Variants in JPH3 observed in about 807,000 individuals in gnomAD.
The protein encoded by JPH3 is junctophilin 3.
JPH3 carries 11 observed loss-of-function variants against 59.6 expected under a neutral mutation model. That is an observed-to-expected ratio of 0.18 (90% confidence interval 0.12 to 0.31). The LOEUF (loss-of-function observed/expected upper bound fraction) is 0.31, where lower values mean the gene tolerates loss of function less well. Ranked by LOEUF, JPH3 falls within the 10% of genes least tolerant of loss-of-function variation. The pLI, the probability that JPH3 is intolerant of heterozygous loss-of-function variation, is 1.00. For synonymous variants in JPH3, 673 were observed against 483.6 expected (o/e 1.39, Z -5.14); for missense variants, 1,202 against 1,105.7 (o/e 1.09, Z -1.24).
intron 4 of JPH3, chr16:87,695,730 C>G (rs1159824445): frequency 1.3e-5 from 6 of 455,930 alleles, no homozygotes; most frequent in Non-Finnish European, 2.2e-5. Flanking sequence ...CTCCCTCTCC[C>G]CCTGCCTGGT....
chr16:87,670,593 C>T (rs866152129), intron 2 of JPH3, among the ~76,000 whole-genome samples: 4 of 152,264 alleles, frequency 2.6e-5, no homozygotes, highest in Non-Finnish European at 5.9e-5. Flanking sequence ...TTCCTCCAGG[C>T]ACTCTTCAGG....
At chr16:87,630,514 C>T (rs551617367) in intron 1 of JPH3, among the ~76,000 whole-genome samples, 133 of 152,306 alleles carry the variant, frequency 8.7e-4, no homozygotes, top group Middle Eastern at 3.4e-3. Context: ...ACGTTGACAA[C>T]GTACGAGTCC....
At chr16:87,655,457 G>A (rs190322405) in intron 2 of JPH3, among the ~76,000 whole-genome samples, 73 of 152,210 alleles carry the variant, frequency 4.8e-4, no homozygotes, top group African/African-American at 1.6e-3. Flanking sequence ...GAGCTCAAAC[G>A]ATCCTCCCAC....
intron 1 of JPH3, among the ~76,000 whole-genome samples, chr16:87,635,331 A>T (rs55719521): frequency 0.25 from 38,230 of 152,130 alleles, 5,380 homozygotes; most frequent in Non-Finnish European, 0.33. Context: ...CCGAAACTAA[A>T]GTTTTGGGAA....
chr16:87,688,394 C>A lies in JPH3; in HGVS notation c.1286-1252C>A, dbSNP rs2033469397. Among the ~76,000 whole-genome samples the A allele has an allele frequency of 2.6e-5, 4 of 152,200 alleles. 1 individual carries two copies. The South Asian group carries it at 8.3e-4, about 32-fold the overall frequency. On this transcript the variant is annotated intron_variant, in intron 3 of 4. Coordinates refer to ENST00000284262, the MANE Select transcript of JPH3 (RefSeq NM_020655.4). ...GCCCCGAATCTGCTTGCTAACGTCT[C>A]TTTACAAACGGAGGGACTATCTGGT... is the stretch of plus-strand genomic sequence containing the variant.
chr16:87,602,701 C>T lies in JPH3; in HGVS notation c.-446C>T, dbSNP rs1427512767. Among the ~76,000 whole-genome samples the T allele has an allele frequency of 3.9e-4, 55 of 139,782 alleles. 3 individuals carry two copies. The East Asian group carries it at 5.7e-3, about 14-fold the overall frequency. The allele number at this position is 139,782 out of a possible 152,430, so 91.7% of individuals were successfully genotyped here. ...GGGCCCCGCCGCCGCCCTCGGGCGCCCGCAGCGCGGCAGCCGCAGGTGGGG... is the reference window on the plus strand; with the variant it reads ...GGGCCCCGCCGCCGCCCTCGGGCGCTCGCAGCGCGGCAGCCGCAGGTGGGG... On this transcript the variant is annotated 5_prime_UTR_variant, in exon 1 of 5. Transcript: ENST00000284262.
At position 87,618,468 on chromosome 16, in the gene JPH3, C is replaced by T. The variant is rs1187745006; in HGVS notation, c.382+14940C>T. On this transcript the variant is annotated intron_variant, in intron 1 of 4. Coordinates refer to ENST00000284262, the MANE Select transcript of JPH3 (RefSeq NM_020655.4). Reference sequence around the variant, plus strand: ...ATTGGCCATCGTCCCTGCTGTCCTACAGCCCCGAGAGGCCAGGTACGTCCA... The same window carrying T: ...ATTGGCCATCGTCCCTGCTGTCCTATAGCCCCGAGAGGCCAGGTACGTCCA... 5.9e-5 allele frequency among the ~76,000 whole-genome samples: 9 copies of T among 152,382 alleles called. No individual in the cohort carries two copies. The East Asian group carries it at 9.6e-4, about 16-fold the overall frequency.
At position 87,667,664 on chromosome 16, in the gene JPH3, C is replaced by T. The variant is rs79155531; in HGVS notation, c.1161-16478C>T. Among the ~76,000 whole-genome samples, 641 of 152,346 alleles carry T rather than the reference C, an allele frequency of 4.2e-3. 7 individuals carry two copies. Among genetic ancestry groups the T allele is most frequent in the African/African-American group, 0.015 (606 of 41,584 alleles). On this transcript the variant is annotated intron_variant, in intron 2 of 4. Transcript: ENST00000284262. ...GGCAACGTCCCACCCCTCTCTGGGC[C>T]TTGAAGATGAAGGGGTTAGATCCTG...
intron 1 of JPH3, among the ~76,000 whole-genome samples, chr16:87,616,714 A>T (rs1476475407): frequency 6.6e-6 from 1 of 152,128 alleles, no homozygotes; most frequent in Non-Finnish European, 1.5e-5. Flanking sequence ...TGACGTGGAC[A>T]CAGTCAGGAT....
At chr16:87,638,457 A>G (rs763311704) in intron 1 of JPH3, among the ~76,000 whole-genome samples, 3 of 152,166 alleles carry the variant, frequency 2.0e-5, no homozygotes, top group African/African-American at 7.2e-5. Context: ...AGGAGCGACC[A>G]CCATGATCCA....
At chr16:87,645,485 G>C (rs2032116272) in intron 2 of JPH3, among the ~76,000 whole-genome samples, 1 of 152,186 alleles carries the variant, frequency 6.6e-6, no homozygotes, top group African/African-American at 2.4e-5. Context: ...ACCCAGACCT[G>C]CGATCTAGAT....
intron 2 of JPH3, among the ~76,000 whole-genome samples, chr16:87,678,847 T>G (rs1449537946): frequency 1.3e-5 from 2 of 152,152 alleles, no homozygotes; most frequent in Non-Finnish European, 2.9e-5. Context: ...ACCACGAGCC[T>G]GGGAACGCCG....
chr16:87,667,823 TTTTG>T (rs1430882792), intron 2 of JPH3, among the ~76,000 whole-genome samples: 1 of 151,540 alleles, frequency 6.6e-6, no homozygotes, highest in African/African-American at 2.4e-5. Context: ...TTTTGTTTTG[TTTTG>T]TTTTGTTTTT....
intron 3 of JPH3, among the ~76,000 whole-genome samples, chr16:87,686,176 A>AC (rs1459043887): frequency 5.9e-5 from 9 of 151,842 alleles, no homozygotes; most frequent in African/African-American, 2.2e-4. Context: ...TTCTACCCCC[A>AC]CCCCCGCGTG....
chr16:87,634,277 A>G (rs929419102), intron 1 of JPH3, among the ~76,000 whole-genome samples: 43 of 152,230 alleles, frequency 2.8e-4, no homozygotes, highest in African/African-American at 1.0e-3. Flanking sequence ...CCCCAAAGAC[A>G]GGGGTCTGTT....
intron 2 of JPH3, among the ~76,000 whole-genome samples, chr16:87,645,372 A>G (rs73236287): frequency 0.013 from 2,053 of 152,314 alleles, 59 homozygotes; most frequent in African/African-American, 0.047. Flanking sequence ...AGTACAATGC[A>G]TTGGAGTGCT....
intron 4 of JPH3, chr16:87,695,141 G>C (rs763204983): frequency 1.4e-5 from 5 of 361,194 alleles, no homozygotes; most frequent in Non-Finnish European, 2.7e-5. Flanking sequence ...GCCAGCAGCA[G>C]CTGCTTCGTT....
chr16:87,633,713 C>T (rs1354805515), intron 1 of JPH3, among the ~76,000 whole-genome samples: 2 of 151,834 alleles, frequency 1.3e-5, no homozygotes, highest in African/African-American at 2.4e-5. Flanking sequence ...GCAGGAGAAT[C>T]GCTTAAACCT....
intron 1 of JPH3, chr16:87,604,455 C>T: frequency 2.2e-6 from 3 of 1,376,178 alleles, no homozygotes; most frequent in Non-Finnish European, 2.9e-6. Context: ...AAGCCAGACC[C>T]CAAACAAACT....
Sources: gnomAD v4.1 joint callset for allele counts (sites outside exome capture counted in the v4.1 genomes callset) on GRCh38, gnomAD v4.1.1 for gene constraint, MANE v1.5 for transcripts, NCBI Gene and HGNC (gene_info 2026-07-23, HGNC 2026-07-21) for gene names.